CNTN4: variants seen among roughly 807,000 people sequenced by gnomAD.
The protein encoded by CNTN4 is contactin 4, also known as contactin-4.
A neutral mutation model predicts 122.5 loss-of-function variants in CNTN4; 77 were observed. The observed-to-expected ratio is 0.63, with a 90% CI of 0.52 to 0.76. The LOEUF is 0.76. CNTN4 is among the 30% of genes least tolerant of loss of function. CNTN4 has a pLI of 0.00. For missense variants in CNTN4, 1,256 were observed against 1,259.1 expected (o/e 1.00, Z 0.04); for synonymous variants, 512 against 447.0 (o/e 1.15, Z -1.83).
chr3:2,127,407 G>C (rs1345076221), intron 2 of CNTN4, among the ~76,000 whole-genome samples: 1 of 152,108 alleles, frequency 6.6e-6, no homozygotes, highest in Non-Finnish European at 1.5e-5. Flanking sequence ...TGGAGGGAGG[G>C]AGGATGGAAT....
At chr3:2,537,503 TA>T (rs1408016129) in intron 3 of CNTN4, among the ~76,000 whole-genome samples, 12 of 152,136 alleles carry the variant, frequency 7.9e-5, no homozygotes, top group African/African-American at 2.7e-4. Context: ...TCTTGCCTCA[TA>T]TGTCTCTCTG....
At chr3:2,461,838 C>A (rs927680909) in intron 3 of CNTN4, among the ~76,000 whole-genome samples, 1 of 152,212 alleles carries the variant, frequency 6.6e-6, no homozygotes, top group African/African-American at 2.4e-5. Flanking sequence ...CTGATGCTTT[C>A]TGAGACCAAG....
At position 2,574,117 on chromosome 3, in the gene CNTN4, A is replaced by G. The variant is rs573241838; in HGVS notation, c.55+2559A>G. On this transcript the variant is annotated intron_variant, in intron 4 of 24. Coordinates refer to ENST00000418658, the MANE Select transcript of CNTN4 (RefSeq NM_175607.3). ...TGTAATCCCAGCTACTTGGGAGGCT[A>G]AGGCAGGAGAATCGCCTGAACCTGG... Among the ~76,000 whole-genome samples the G allele has an allele frequency of 1.4e-4, 21 of 152,228 alleles. No individual in the cohort carries two copies. The East Asian group carries it at 2.5e-3, about 18-fold the overall frequency.
chr3:2,157,942 T>A (rs547212063), intron 2 of CNTN4, among the ~76,000 whole-genome samples: 1 of 152,254 alleles, frequency 6.6e-6, no homozygotes, highest in African/African-American at 2.4e-5. Flanking sequence ...TCAAAACCAA[T>A]TAAAGGAACC....
At chr3:2,530,672 G>C (rs949426596) in intron 3 of CNTN4, among the ~76,000 whole-genome samples, 7 of 152,052 alleles carry the variant, frequency 4.6e-5, no homozygotes, top group Non-Finnish European at 5.9e-5. Flanking sequence ...TAATTTAGCT[G>C]TTGTATGTTA....
intron 6 of CNTN4, among the ~76,000 whole-genome samples, chr3:2,801,844 T>A (rs2092355547): frequency 6.6e-6 from 1 of 152,182 alleles, no homozygotes; most frequent in African/African-American, 2.4e-5. Context: ...CTCTTAACTT[T>A]TCTGAGTTTC....
intron 12 of CNTN4, among the ~76,000 whole-genome samples, chr3:2,916,758 C>G (rs1225536327): frequency 2.1e-5 from 3 of 145,488 alleles, no homozygotes; most frequent in Admixed American, 2.0e-4. Flanking sequence ...AGGGGCTCCT[C>G]ACTTCCCAGT....
intron 3 of CNTN4, among the ~76,000 whole-genome samples, chr3:2,489,413 A>G (rs1189645825): frequency 6.6e-6 from 1 of 152,028 alleles, no homozygotes; most frequent in East Asian, 1.9e-4. Context: ...AGAAGCCCTC[A>G]CTCCCACACT....
chr3:2,536,870 A>AT (rs1384217248), intron 3 of CNTN4, among the ~76,000 whole-genome samples: 3 of 152,018 alleles, frequency 2.0e-5, no homozygotes, highest in Admixed American at 6.6e-5. Context: ...AGGTTCTAGA[A>AT]TACCACCATA....
At chr3:2,628,468 G>T (rs2082293557) in intron 4 of CNTN4, among the ~76,000 whole-genome samples, 1 of 152,150 alleles carries the variant, frequency 6.6e-6, no homozygotes, top group Admixed American at 6.5e-5. Flanking sequence ...TGATTTATGA[G>T]AATATTTTCT....
chr3:2,291,777 A>G (rs1192294443), intron 2 of CNTN4, among the ~76,000 whole-genome samples: 1 of 152,070 alleles, frequency 6.6e-6, no homozygotes, highest in Non-Finnish European at 1.5e-5. Flanking sequence ...TCTGTTGTGC[A>G]GGCTAGAGGG....
intron 4 of CNTN4, among the ~76,000 whole-genome samples, chr3:2,573,121 G>T (rs1232426665): frequency 6.6e-6 from 1 of 152,194 alleles, no homozygotes; most frequent in Non-Finnish European, 1.5e-5. Context: ...GCCGACTATA[G>T]TCTTGCCTGT....
rs1181989711 is a variant in CNTN4, at chr3:2,591,404, G to A, written c.55+19846G>A. 4.1e-3 allele frequency among the ~76,000 whole-genome samples: 172 copies of A among 42,002 alleles called. 23 individuals are homozygous for A. The highest frequency in any genetic ancestry group is 0.012 in the Admixed American group (57 of 4,566). The allele number at this position is 42,002 out of a possible 152,430, so 27.6% of individuals were successfully genotyped here. The stretch of plus-strand genomic sequence containing the variant: ...TTTTGAGACGGAGTCTCGCTCTGTC[G>A]CCCAGGCTGGAGTGCAGTGGCGGGA... On this transcript the variant is annotated intron_variant, in intron 4 of 24. Transcript: ENST00000418658.
rs147330879 is a variant in CNTN4, at chr3:2,648,110, G to A, written c.55+76552G>A. On this transcript the variant is annotated intron_variant, in intron 4 of 24. Coordinates refer to ENST00000418658, the MANE Select transcript of CNTN4 (RefSeq NM_175607.3). The stretch of plus-strand genomic sequence containing the variant: ...GAAGATTTTTTTTTCCTGTCAAAAT[G>A]CCACTTTGCCTTCAGAACCACCATC... 2.5e-4 allele frequency among the ~76,000 whole-genome samples: 38 copies of A among 152,156 alleles called. 1 individual carries two copies. Among genetic ancestry groups the A allele is most frequent in the African/African-American group, 8.7e-4 (36 of 41,514 alleles).
chr3:2,203,251 A>G (rs1315935208), intron 2 of CNTN4, among the ~76,000 whole-genome samples: 1 of 152,296 alleles, frequency 6.6e-6, no homozygotes, highest in African/African-American at 2.4e-5. Context: ...GGACTAAATG[A>G]TCACATAGTG....
intron 13 of CNTN4, among the ~76,000 whole-genome samples, chr3:2,963,583 A>G (rs1166393529): frequency 6.6e-6 from 1 of 152,086 alleles, no homozygotes; most frequent in Non-Finnish European, 1.5e-5. Flanking sequence ...TTGTCTGACC[A>G]CTACTTATCA....
intron 12 of CNTN4, among the ~76,000 whole-genome samples, chr3:2,913,196 T>A (rs2094319722): frequency 6.6e-6 from 1 of 151,750 alleles, no homozygotes; most frequent in Non-Finnish European, 1.5e-5. Context: ...CAAATAAAAA[T>A]CGAGGAATAA....
chr3:2,444,159 A>G (rs2048535515), intron 3 of CNTN4, among the ~76,000 whole-genome samples: 1 of 151,850 alleles, frequency 6.6e-6, no homozygotes, highest in Non-Finnish European at 1.5e-5. Flanking sequence ...CGTTACTTCA[A>G]TGAATATAAA....
Position 3,053,960 on chromosome 3 carries a change from A to G in CNTN4, c.2965A>G (p.Ile989Val). The G allele has an allele frequency of 6.2e-7, 1 of 1,614,180 alleles. No homozygotes were observed. Among genetic ancestry groups the G allele is most frequent in the Non-Finnish European group, 8.5e-7 (1 of 1,180,012 alleles). ...GDGSSSEQIR[I>V]PKISNAYARG... ...TGGCAGCAGCAGTGAACAAATTCGA[A>G]TTCCAAAGATATCAAGTGAGAATGC... Residue 989 changes from isoleucine to valine, a missense_variant, in exon 24 of 25, where the codon ATT becomes GTT. Ile to Val is a conservative substitution (Grantham distance 29, BLOSUM62 3). Coordinates refer to ENST00000418658, the MANE Select transcript of CNTN4 (RefSeq NM_175607.3).
Sources: gnomAD v4.1 joint callset for allele counts (sites outside exome capture counted in the v4.1 genomes callset) on GRCh38, gnomAD v4.1.1 for gene constraint, MANE v1.5 for transcripts, NCBI Gene and HGNC (gene_info 2026-07-23, HGNC 2026-07-21) for gene names.